The following RFX3 variants were observed in gnomAD, a reference collection of about 807,000 sequenced individuals.
RFX3 encodes the protein transcription factor RFX3.
RFX3 carries 14 observed loss-of-function variants against 98.6 expected under a neutral mutation model. The ratio of observed to expected loss-of-function variants is 0.14; its 90% CI spans 0.09 to 0.22. The LOEUF (loss-of-function observed/expected upper bound fraction) is 0.22, where lower values mean the gene tolerates loss of function less well. RFX3 is among the 10% of genes least tolerant of loss of function. The probability of loss-of-function intolerance (pLI) is 1.00; values close to 1 mark genes in which losing one functional copy is unlikely to be tolerated. For synonymous variants in RFX3, 383 were observed against 328.4 expected, an observed-to-expected ratio of 1.17 and a Z score of -1.80; for missense variants, 639 against 926.9, an observed-to-expected ratio of 0.69 and a Z score of 4.03.
chr9:3,313,588 A>T (rs1409431095), intron 4 of RFX3, among the ~76,000 whole-genome samples: 2 of 152,216 alleles, frequency 1.3e-5, no homozygotes, highest in Non-Finnish European at 2.9e-5. Context: ...CTAAAGGAGG[A>T]TGTTCGAACC....
intron 2 of RFX3, among the ~76,000 whole-genome samples, chr9:3,387,182 T>C (rs1564025887): frequency 6.6e-6 from 1 of 152,148 alleles, no homozygotes; most frequent in Non-Finnish European, 1.5e-5. Context: ...AAGACAATCT[T>C]CCATCTTTGC....
intron 1 of RFX3, among the ~76,000 whole-genome samples, chr9:3,525,154 G>A (rs555680742): frequency 3.3e-5 from 5 of 152,094 alleles, no homozygotes; most frequent in African/African-American, 4.8e-5. Context: ...CAAAAATGAA[G>A]GGAATGGGCG....
At chr9:3,475,777 C>T (rs1027584034) in intron 1 of RFX3, among the ~76,000 whole-genome samples, 9 of 152,206 alleles carry the variant, frequency 5.9e-5, no homozygotes, top group Admixed American at 3.9e-4. Flanking sequence ...CTCCAGATAA[C>T]TGTGGGCAGG....
rs1236329545 is a variant in RFX3 at position 3,224,214 on chromosome 9, T to C, written c.*828A>G. On this transcript the variant is annotated 3_prime_UTR_variant, in exon 17 of 17. Transcript: ENST00000617270. ...TTTTTTTTCTGCTTCAGTATCTAAC[T>C]ATAACAGCCCCCACTTAACAGCAGA... 1.3e-5 allele frequency: 2 copies of C among 152,030 alleles called. No homozygotes were observed. The highest frequency in any genetic ancestry group is 3.8e-4 in the East Asian group (2 of 5,196). 9.4% of individuals were successfully genotyped at this position (152,030 alleles called of 1,614,324 possible).
chr9:3,282,559 C>A (rs1313528855), intron 7 of RFX3, among the ~76,000 whole-genome samples: 1 of 151,738 alleles, frequency 6.6e-6, no homozygotes, highest in Non-Finnish European at 1.5e-5. Flanking sequence ...CGACAATGTG[C>A]TTAGAGCTCT....
chr9:3,488,359 C>T (rs1850447952), intron 1 of RFX3, among the ~76,000 whole-genome samples: 1 of 152,092 alleles, frequency 6.6e-6, no homozygotes, highest in South Asian at 2.1e-4. Flanking sequence ...TAAAAGTATA[C>T]TATGGAAACG....
chr9:3,240,043 CT>C lies in RFX3; in HGVS notation c.1968+7988del, dbSNP rs1185960035. Among the ~76,000 whole-genome samples, 4 of 152,308 alleles carry C rather than the reference CT, an allele frequency of 2.6e-5. No homozygotes were observed. In the East Asian group the frequency reaches 7.7e-4, roughly 29 times the overall value. On this transcript the variant is annotated intron_variant, in intron 15 of 16. Transcript: ENST00000617270. ...GGTGTCCACAAATCTGAGCACAAAG[CT>C]GTTCATAATATAAGATGGGGAGTGA...
chr9:3,467,225 T>C (rs1848375459), intron 1 of RFX3, among the ~76,000 whole-genome samples: 1 of 145,200 alleles, frequency 6.9e-6, no homozygotes, highest in African/African-American at 2.5e-5. Flanking sequence ...ATATAATGTA[T>C]ATATGTATAT....
At chr9:3,504,944 A>AT (rs1564185928) in intron 1 of RFX3, among the ~76,000 whole-genome samples, 15 of 59,322 alleles carry the variant, frequency 2.5e-4, no homozygotes, top group South Asian at 5.4e-4. Context: ...TAATATATAT[A>AT]ATATAATATA....
chr9:3,294,471 T>G (rs1195437733), intron 5 of RFX3, among the ~76,000 whole-genome samples: 1 of 152,122 alleles, frequency 6.6e-6, no homozygotes, highest in Non-Finnish European at 1.5e-5. Context: ...ATGAATGTGA[T>G]CTCATCCTTG....
chr9:3,497,256 T>C (rs1335706039), intron 1 of RFX3, among the ~76,000 whole-genome samples: 5 of 152,052 alleles, frequency 3.3e-5, no homozygotes, highest in Admixed American at 6.6e-5. Flanking sequence ...ACAGTCACTA[T>C]ACTATATAAC....
At chr9:3,400,563 C>G (rs888304511) in intron 1 of RFX3, among the ~76,000 whole-genome samples, 1 of 152,154 alleles carries the variant, frequency 6.6e-6, no homozygotes, top group Non-Finnish European at 1.5e-5. Flanking sequence ...AAAACTTAGT[C>G]TCTCTTTTGT....
chr9:3,415,802 G>T (rs1842931790), intron 1 of RFX3, among the ~76,000 whole-genome samples: 1 of 152,066 alleles, frequency 6.6e-6, no homozygotes, highest in Non-Finnish European at 1.5e-5. Flanking sequence ...TGAGACCCAA[G>T]ATTATATTCC....
At chr9:3,236,965 T>C (rs1190091729) in intron 15 of RFX3, among the ~76,000 whole-genome samples, 1 of 152,218 alleles carries the variant, frequency 6.6e-6, no homozygotes, top group Non-Finnish European at 1.5e-5. Context: ...AAAGAACAAA[T>C]GATTATAAAC....
intron 1 of RFX3, among the ~76,000 whole-genome samples, chr9:3,408,557 C>T (rs1842167950): frequency 6.6e-6 from 1 of 152,000 alleles, no homozygotes; most frequent in Admixed American, 6.6e-5. Context: ...TTCACTATTT[C>T]AAAAAGTCTG....
At chr9:3,420,345 G>C (rs1843339261) in intron 1 of RFX3, among the ~76,000 whole-genome samples, 1 of 152,148 alleles carries the variant, frequency 6.6e-6, no homozygotes, top group African/African-American at 2.4e-5. Context: ...CAGAAGCCCA[G>C]AGCAACATAA....
intron 8 of RFX3, among the ~76,000 whole-genome samples, chr9:3,275,823 T>C (rs1217289668): frequency 6.6e-6 from 1 of 152,078 alleles, no homozygotes; most frequent in Non-Finnish European, 1.5e-5. Context: ...TTCTTAAGAA[T>C]TTTCTAGAAA....
intron 1 of RFX3, among the ~76,000 whole-genome samples, chr9:3,410,271 C>T (rs1842353638): frequency 6.8e-6 from 1 of 146,672 alleles, no homozygotes; most frequent in Non-Finnish European, 1.5e-5. Context: ...AACCATCTTG[C>T]CAACTTGTTT....
At chr9:3,241,603 C>T (rs1819933220) in intron 15 of RFX3, among the ~76,000 whole-genome samples, 1 of 152,116 alleles carries the variant, frequency 6.6e-6, no homozygotes, top group African/African-American at 2.4e-5. Flanking sequence ...GGAGCCAATT[C>T]TCTGGAACTT....
Sources: allele counts gnomAD v4.1 joint callset (sites outside exome capture counted in the v4.1 genomes callset), GRCh38; gene constraint gnomAD v4.1.1; transcripts MANE v1.5; gene names NCBI Gene and HGNC (gene_info 2026-07-23, HGNC 2026-07-21).